MFN1: variants seen among roughly 807,000 people sequenced by gnomAD.
The protein encoded by MFN1 is mitofusin-1.
MFN1 carries 65 observed loss-of-function variants against 92.4 expected under a neutral mutation model. The ratio of observed to expected loss-of-function variants is 0.70; its 90% confidence interval spans 0.58 to 0.86. The LOEUF (loss-of-function observed/expected upper bound fraction) is 0.86. Ranked by LOEUF, MFN1 falls within the 40% of genes least tolerant of loss-of-function variation. The pLI, the probability that MFN1 is intolerant of heterozygous loss-of-function variation, is 0.00. For missense variants in MFN1, 781 were observed against 868.0 expected (o/e 0.90, Z 1.26); for synonymous variants, 297 against 300.9 (o/e 0.99, Z 0.13).
chr3:179,373,784 C>T (rs1713113946), intron 9 of MFN1, among the ~76,000 whole-genome samples: 1 of 152,012 alleles, frequency 6.6e-6, no homozygotes, highest in Non-Finnish European at 1.5e-5. Context: ...CGCCATTCTC[C>T]TGCCTCAGCC....
chr3:179,353,777 T>G (rs1248124080), intron 3 of MFN1, among the ~76,000 whole-genome samples: 1 of 152,228 alleles, frequency 6.6e-6, no homozygotes, highest in Non-Finnish European at 1.5e-5. Flanking sequence ...ATTTACTAAA[T>G]AACTTCATAG....
At chr3:179,352,782 C>T (rs1288320783) in intron 3 of MFN1, among the ~76,000 whole-genome samples, 2 of 151,782 alleles carry the variant, frequency 1.3e-5, no homozygotes, top group African/African-American at 4.9e-5. Context: ...GAGGGAGTCT[C>T]ACTCTGTCTC....
chr3:179,377,323 C>G (rs1371203117), intron 11 of MFN1, 21 bp from the exon 12 acceptor site: 1 of 1,564,466 alleles, frequency 6.4e-7, no homozygotes, highest in Admixed American at 1.9e-5. Context: ...TATTTTAACT[C>G]CAAAATTTTC....
At position 179,359,064 on chromosome 3, in the gene MFN1, A is replaced by C. The variant is rs1712459727; in HGVS notation, c.411+62A>C. Reference sequence around the variant, plus strand: ...AAACAATGTCCTGAACTTATTCTTTAATAACATTTTTATAAGATGTCTGCA... The same window carrying C: ...AAACAATGTCCTGAACTTATTCTTTCATAACATTTTTATAAGATGTCTGCA... On this transcript the variant is annotated intron_variant, in intron 4 of 17. Transcript: ENST00000471841. 3 of 1,444,524 alleles carry C rather than the reference A, an allele frequency of 2.1e-6. No individual in the cohort carries two copies. In the East Asian group the frequency reaches 7.1e-5, roughly 34 times the overall value. The allele number at this position is 1,444,524 out of a possible 1,614,324, so 89.5% of individuals were successfully genotyped here.
At chr3:179,361,902 GGATAA>G in intron 4 of MFN1, among the ~76,000 whole-genome samples, 1 of 152,254 alleles carries the variant, frequency 6.6e-6, no homozygotes, top group Non-Finnish European at 1.5e-5. Flanking sequence ...AATTGACTTA[GGATAA>G]TGGCCTCCAG....
At chr3:179,372,367 TTTA>T (rs1713058356) in intron 9 of MFN1, among the ~76,000 whole-genome samples, 1 of 151,586 alleles carries the variant, frequency 6.6e-6, no homozygotes, top group African/African-American at 2.4e-5. Flanking sequence ...CATATATAAA[TTTA>T]TATTATTAAT....
In MFN1 at chr3:179,393,715, C is replaced by T. The variant is rs1191078844; in HGVS notation, c.*1656C>T. ...AACATGGAAAAACAGTGTCTAAGATCACGTACTGCTAATTTAGGTTACAAA... is the reference window on the plus strand; with the variant it reads ...AACATGGAAAAACAGTGTCTAAGATTACGTACTGCTAATTTAGGTTACAAA... On this transcript the variant is annotated 3_prime_UTR_variant, in exon 18 of 18. Transcript: ENST00000471841. 1 of 152,186 alleles carries T rather than the reference C, an allele frequency of 6.6e-6. No individual in the cohort carries two copies. Among genetic ancestry groups the T allele is most frequent in the Non-Finnish European group, 1.5e-5 (1 of 68,038 alleles). The allele number at this position is 152,186 out of a possible 1,614,324, so 9.4% of individuals were successfully genotyped here. A position where few individuals can be genotyped will look rare whatever the true frequency, so the allele number is the denominator to read the frequency against.
chr3:179,377,436 A>C lies in MFN1; in HGVS notation c.1317A>C (p.Lys439Asn), dbSNP rs747467242. 33 of 1,572,866 alleles carry C rather than the reference A, an allele frequency of 2.1e-5. No homozygotes were observed. In the African/African-American group the frequency reaches 3.9e-4, roughly 19 times the overall value. ...SEFHPNPDVLKIYKSELNKHI... is the reference protein window; with the variant it reads ...SEFHPNPDVLNIYKSELNKHI... ...TTCATCCTAATCCAGATGTATTAAA[A>C]ATATATAAAAGTGTAAGTTAAAGTA... Residue 439 changes from lysine to asparagine, a missense_variant, in exon 12 of 18, where the codon AAA becomes AAC. Physicochemically the swap from Lys to Asn is moderately conservative, Grantham distance 94. Coordinates refer to ENST00000471841, the MANE Select transcript of MFN1 (RefSeq NM_033540.3).
chr3:179,350,151 CAA>C (rs796379073), intron 2 of MFN1, among the ~76,000 whole-genome samples: 6 of 131,642 alleles, frequency 4.6e-5, no homozygotes, highest in African/African-American at 8.1e-5. Context: ...GACTCCATTT[CAA>C]AAAAAAAAAA....
intron 3 of MFN1, among the ~76,000 whole-genome samples, chr3:179,352,892 T>C (rs1398319055): frequency 3.6e-4 from 51 of 140,240 alleles, no homozygotes; most frequent in East Asian, 1.4e-3. Context: ...GCTGGAATTA[T>C]AGGCGTGTGC....
chr3:179,388,236 C>T (rs1017521757), intron 16 of MFN1, among the ~76,000 whole-genome samples: 2 of 152,102 alleles, frequency 1.3e-5, no homozygotes, highest in African/African-American at 4.8e-5. Context: ...ATAGAGGTAG[C>T]CTGGCCAAGC....
intron 9 of MFN1, among the ~76,000 whole-genome samples, chr3:179,370,860 A>G (rs1394878953): frequency 6.6e-6 from 1 of 152,148 alleles, no homozygotes; most frequent in Non-Finnish European, 1.5e-5. Flanking sequence ...TTTTGTTTCT[A>G]ATTATCCTTT....
chr3:179,377,380 T>A lies in MFN1; in HGVS notation c.1261T>A (p.Ser421Thr), dbSNP rs1204679274. The A allele has an allele frequency of 6.2e-7, 1 of 1,609,720 alleles. No individual in the cohort carries two copies. The highest frequency in any genetic ancestry group is 8.5e-7 in the Non-Finnish European group (1 of 1,178,504). Residue 421 changes from serine to threonine, a missense_variant, in exon 12 of 18, where the codon TCT (serine) becomes ACT (threonine). By Grantham distance (58) the Ser-to-Thr change is moderately conservative (BLOSUM62 1). Coordinates refer to ENST00000471841, the MANE Select transcript of MFN1 (RefSeq NM_033540.3). ...AATGACAGATGAAATTTGTCGACTGTCTGTTTTGGTTGATGAATTTTGTTC... is the reference window on the plus strand; with the variant it reads ...AATGACAGATGAAATTTGTCGACTGACTGTTTTGGTTGATGAATTTTGTTC... Reference protein sequence around the residue: ...CAMTDEICRLSVLVDEFCSEF... With the variant: ...CAMTDEICRLTVLVDEFCSEF...
intron 14 of MFN1, among the ~76,000 whole-genome samples, chr3:179,381,738 A>G (rs1372406303): frequency 6.6e-6 from 1 of 152,218 alleles, no homozygotes; most frequent in East Asian, 1.9e-4. Flanking sequence ...AATTATTTAA[A>G]TATTGGATAA....
In MFN1 at chr3:179,385,695, A is replaced by G. The variant is rs138017702; in HGVS notation, c.1789A>G (p.Met597Val). The G allele has an allele frequency of 1.3e-4, 214 of 1,613,412 alleles. No individual in the cohort carries two copies. Among genetic ancestry groups the G allele is most frequent in the African/African-American group, 9.5e-4 (71 of 74,982 alleles). The change falls in exon 15 of 18, where the codon ATG (methionine) becomes GTG (valine). Residue 597 changes from methionine (M) to valine (V), a missense_variant. Coordinates refer to ENST00000471841, the MANE Select transcript of MFN1 (RefSeq NM_033540.3). The stretch of plus-strand genomic sequence containing the variant: ...GGCGTCCGTTACATCTAGAACTTCT[A>G]TGGGCATCATTATTGTTGGAGGAGT... ...GLASVTSRTS[M>V]GIIIVGGVIW... is the part of the protein sequence containing the mutation.
At chr3:179,355,523 G>A (rs1205370431) in intron 3 of MFN1, among the ~76,000 whole-genome samples, 1 of 152,186 alleles carries the variant, frequency 6.6e-6, no homozygotes, top group Non-Finnish European at 1.5e-5. Flanking sequence ...GGACTAGGGA[G>A]AATTCTAGGA....
chr3:179,385,095 A>G (rs111648774), intron 14 of MFN1, among the ~76,000 whole-genome samples: 6 of 148,940 alleles, frequency 4.0e-5, no homozygotes, highest in African/African-American at 1.2e-4. Flanking sequence ...ATGTATTTTT[A>G]TTAGAGACAG....
intron 3 of MFN1, among the ~76,000 whole-genome samples, chr3:179,355,810 G>A (rs867039524): frequency 2.0e-5 from 3 of 152,080 alleles, no homozygotes; most frequent in African/African-American, 7.2e-5. Flanking sequence ...AAATTAACTG[G>A]GTGTGGTGGT....
At chr3:179,379,812 A>C (rs1170168025) in intron 14 of MFN1, among the ~76,000 whole-genome samples, 3 of 152,226 alleles carry the variant, frequency 2.0e-5, no homozygotes, top group Non-Finnish European at 4.4e-5. Flanking sequence ...ATGATGTTGG[A>C]ATGAACACCA....
Sources: allele counts gnomAD v4.1 joint callset (sites outside exome capture counted in the v4.1 genomes callset), GRCh38; gene constraint gnomAD v4.1.1; transcripts MANE v1.5; gene names NCBI Gene and HGNC (gene_info 2026-07-23, HGNC 2026-07-21).